Variants in PCDH15 observed in about 807,000 individuals in gnomAD.
PCDH15 encodes the protein protocadherin-15.
PCDH15 carries 129 observed loss-of-function variants against 178.5 expected under a neutral mutation model. The observed-to-expected ratio is 0.72, with a 90% CI of 0.63 to 0.84. The LOEUF (loss-of-function observed/expected upper bound fraction) is 0.84, where lower values mean the gene tolerates loss of function less well. PCDH15 is among the 40% of genes least tolerant of loss of function. The probability of loss-of-function intolerance (pLI) is 0.00; values close to 1 mark genes in which losing one functional copy is unlikely to be tolerated. For synonymous variants in PCDH15, 800 were observed against 732.0 expected, an observed-to-expected ratio of 1.09 and a Z score of -1.50; for missense variants, 2,230 against 2,099.9, an observed-to-expected ratio of 1.06 and a Z score of -1.21.
chr10:53,956,663 A>G (rs1224889828), intron 23 of PCDH15, among the ~76,000 whole-genome samples: 1 of 152,170 alleles, frequency 6.6e-6, no homozygotes, highest in Non-Finnish European at 1.5e-5. Flanking sequence ...TATTATTAAT[A>G]CACAGTAGGA....
At chr10:53,809,108 T>C in intron 37 of PCDH15, 1 of 1,613,944 alleles carries the variant, frequency 6.2e-7, no homozygotes, top group Non-Finnish European at 8.5e-7. Flanking sequence ...TCTGACTCTG[T>C]GGATTCCGAT....
chr10:54,796,258 C>CTATG (rs1361495452), intron 1 of PCDH15, among the ~76,000 whole-genome samples: 31 of 107,516 alleles, frequency 2.9e-4, no homozygotes, highest in Admixed American at 4.9e-4. Flanking sequence ...ATCTATCTAT[C>CTATG]TATCTATCTA....
rs568004847 is a variant in PCDH15 at position 53,892,830 on chromosome 10, A to C, written c.3501+10413T>G. ...ACATGGTGACTATAGTAACAGCGAT[A>C]TATTCTTTAAAAATAAAATACAGAA... On this transcript the variant is annotated intron_variant, in intron 26 of 37. Coordinates refer to ENST00000644397, the MANE Select transcript of PCDH15 (RefSeq NM_001384140.1). 2.0e-5 allele frequency among the ~76,000 whole-genome samples: 3 copies of C among 152,344 alleles called. No individual in the cohort carries two copies. The East Asian group carries it at 5.8e-4, about 29-fold the overall frequency.
chr10:54,296,200 C>T (rs115534743), intron 8 of PCDH15, among the ~76,000 whole-genome samples: 2,477 of 143,368 alleles, frequency 0.017, 39 homozygotes, highest in Middle Eastern at 0.062. Context: ...AATAAAAACA[C>T]GGGTGTCAGG....
chr10:55,608,021 A>G (rs903041782), intron 2 of PCDH15, among the ~76,000 whole-genome samples: 43 of 152,138 alleles, frequency 2.8e-4, no homozygotes, highest in African/African-American at 8.7e-4. Context: ...AAAAGCGCCT[A>G]CTGGTCAAAT....
chr10:54,947,905 G>GGATC (rs1838232630), intron 2 of PCDH15, among the ~76,000 whole-genome samples: 2 of 151,934 alleles, frequency 1.3e-5, no homozygotes, highest in African/African-American at 4.8e-5. Context: ...GTATTAGGTA[G>GGATC]AATGAACATG....
intron 4 of PCDH15, among the ~76,000 whole-genome samples, chr10:54,371,979 C>G (rs1483838325): frequency 1.3e-5 from 2 of 151,842 alleles, no homozygotes; most frequent in Admixed American, 6.6e-5. Flanking sequence ...TTGAAAAAGA[C>G]TAGCTCTTAG....
At chr10:53,814,575 G>A (rs1343189414) in intron 35 of PCDH15, among the ~76,000 whole-genome samples, 2 of 152,038 alleles carry the variant, frequency 1.3e-5, no homozygotes, top group African/African-American at 2.4e-5. Context: ...AGTAAAGAGG[G>A]ATAGGAACTA....
intron 20 of PCDH15, among the ~76,000 whole-genome samples, chr10:54,015,155 T>G (rs1004296017): frequency 3.3e-5 from 5 of 151,268 alleles, no homozygotes; most frequent in African/African-American, 4.9e-5. Flanking sequence ...TGCAATCCCA[T>G]TTGCAATAGT....
intron 20 of PCDH15, among the ~76,000 whole-genome samples, chr10:54,016,494 G>T (rs373046889): frequency 6.8e-6 from 1 of 146,128 alleles, no homozygotes; most frequent in Non-Finnish European, 1.6e-5. Flanking sequence ...GCCCATCAAT[G>T]GTAGACTAAA....
At chr10:54,996,879 G>T (rs1474428318) in intron 2 of PCDH15, among the ~76,000 whole-genome samples, 1 of 152,054 alleles carries the variant, frequency 6.6e-6, no homozygotes, top group Non-Finnish European at 1.5e-5. Context: ...GGGAGCCCAA[G>T]GTAGGTGGAT....
At chr10:55,490,022 T>C (rs1840377597) in intron 2 of PCDH15, among the ~76,000 whole-genome samples, 1 of 151,590 alleles carries the variant, frequency 6.6e-6, no homozygotes, top group South Asian at 2.1e-4. Flanking sequence ...ATAAAACTTG[T>C]CCACCCAAAA....
chr10:54,142,728 A>G (rs1316501803), intron 14 of PCDH15, among the ~76,000 whole-genome samples: 1 of 152,142 alleles, frequency 6.6e-6, no homozygotes, highest in Non-Finnish European at 1.5e-5. Flanking sequence ...TAGATTTAAC[A>G]TTAATAATAT....
At chr10:55,257,905 C>G (rs1842043579) in intron 1 of PCDH15, among the ~76,000 whole-genome samples, 1 of 152,060 alleles carries the variant, frequency 6.6e-6, no homozygotes, top group East Asian at 1.9e-4. Context: ...AAGAGCAACT[C>G]CAAGACACAT....
chr10:55,250,547 T>G (rs1841808755), intron 1 of PCDH15, among the ~76,000 whole-genome samples: 1 of 143,384 alleles, frequency 7.0e-6, no homozygotes, highest in Non-Finnish European at 1.5e-5. Context: ...TTTTTTTTTT[T>G]TTTTTTTGAG....
intron 26 of PCDH15, among the ~76,000 whole-genome samples, chr10:53,897,804 G>A (rs537036231): frequency 2.0e-5 from 3 of 152,092 alleles, no homozygotes; most frequent in African/African-American, 7.2e-5. Context: ...CCATGTCTAG[G>A]TTATTTCACA....
At chr10:54,314,374 C>A (rs1321110131) in intron 8 of PCDH15, among the ~76,000 whole-genome samples, 1 of 152,008 alleles carries the variant, frequency 6.6e-6, no homozygotes, top group African/African-American at 2.4e-5. Flanking sequence ...AGTCATAGAG[C>A]AAACCCACCC....
intron 3 of PCDH15, among the ~76,000 whole-genome samples, chr10:54,504,999 G>A (rs2081046303): frequency 6.6e-6 from 1 of 152,030 alleles, no homozygotes; most frequent in Admixed American, 6.6e-5. Flanking sequence ...AAAAATGCCA[G>A]CTGGTCGGTT....
intron 1 of PCDH15, among the ~76,000 whole-genome samples, chr10:55,197,619 A>G (rs1840129849): frequency 4.6e-5 from 7 of 152,090 alleles, no homozygotes; most frequent in Admixed American, 4.6e-4. Context: ...TCATTCATCC[A>G]GTGTTAGTGG....
Sources: allele counts gnomAD v4.1 joint callset (sites outside exome capture counted in the v4.1 genomes callset), GRCh38; gene constraint gnomAD v4.1.1; transcripts MANE v1.5; gene names NCBI Gene and HGNC (gene_info 2026-07-23, HGNC 2026-07-21).